The following PDGFD variants were observed in gnomAD, a reference collection of about 807,000 sequenced individuals.
PDGFD encodes platelet-derived growth factor D.
In PDGFD, 30 loss-of-function variants were observed where a neutral mutation model predicts 44.7. The observed-to-expected ratio is 0.67, with a 90% confidence interval of 0.50 to 0.91. The LOEUF is 0.91. Among genes scored for constraint, PDGFD ranks in the 40% least tolerant of loss-of-function variants. PDGFD has a pLI of 0.00. For missense variants in PDGFD, 445 were observed against 457.8 expected, an observed-to-expected ratio of 0.97 and a Z score of 0.25; for synonymous variants, 173 against 168.4, an observed-to-expected ratio of 1.03 and a Z score of -0.21.
At chr11:104,051,741 A>G (rs770448994) in intron 1 of PDGFD, among the ~76,000 whole-genome samples, 1 of 152,144 alleles carries the variant, frequency 6.6e-6, no homozygotes, top group African/African-American at 2.4e-5. Context: ...CAGATATTAT[A>G]AACACTACTG....
intron 1 of PDGFD, among the ~76,000 whole-genome samples, chr11:104,029,157 C>T (rs1038104034): frequency 1.1e-4 from 17 of 152,064 alleles, no homozygotes; most frequent in Non-Finnish European, 1.8e-4. Context: ...AGAGAGACAA[C>T]CTGCAGAGAC....
intron 3 of PDGFD, among the ~76,000 whole-genome samples, chr11:103,994,593 T>G (rs1482555173): frequency 6.6e-6 from 1 of 152,190 alleles, no homozygotes; most frequent in Non-Finnish European, 1.5e-5. Context: ...AAAGCAAGTT[T>G]TTTTTTCTTT....
chr11:104,007,996 C>G (rs952661789), intron 1 of PDGFD, among the ~76,000 whole-genome samples: 3 of 152,112 alleles, frequency 2.0e-5, no homozygotes, highest in African/African-American at 7.2e-5. Context: ...ACAAAAGCAA[C>G]AGAGAGAAGT....
chr11:103,913,072 G>A (rs1858056539), intron 6 of PDGFD, among the ~76,000 whole-genome samples: 1 of 152,060 alleles, frequency 6.6e-6, no homozygotes. Flanking sequence ...ACACCCCACT[G>A]CCAATATTAG....
rs555932293 is a variant in PDGFD at position 104,099,113 on chromosome 11, G to A, written c.124+64691C>T. 3.3e-5 allele frequency among the ~76,000 whole-genome samples: 5 copies of A among 152,236 alleles called. No individual in the cohort carries two copies. In the South Asian group the frequency reaches 1.0e-3, roughly 32 times the overall value. On this transcript the variant is annotated intron_variant, in intron 1 of 6. Coordinates refer to ENST00000393158, the MANE Select transcript of PDGFD (RefSeq NM_025208.5). ...GTGTTAGTATGTTTATTTCACAGAA[G>A]AGACTGAGAAGGAGCTCAATTAATT...
intron 1 of PDGFD, among the ~76,000 whole-genome samples, chr11:104,029,581 A>T (rs1390895687): frequency 6.6e-6 from 1 of 152,214 alleles, no homozygotes; most frequent in Non-Finnish European, 1.5e-5. Flanking sequence ...TACATTTTTT[A>T]AAATTTCTTT....
intron 1 of PDGFD, among the ~76,000 whole-genome samples, chr11:104,119,681 CGA>C (rs1565341124): frequency 1.5e-5 from 1 of 66,854 alleles, no homozygotes; most frequent in Non-Finnish European, 2.6e-5. Flanking sequence ...ATATATATAT[CGA>C]TATATAATAT....
At chr11:104,063,294 A>G (rs149534814) in intron 1 of PDGFD, among the ~76,000 whole-genome samples, 180 of 151,804 alleles carry the variant, frequency 1.2e-3, no homozygotes, top group Middle Eastern at 6.8e-3. Context: ...ACCTTCTATG[A>G]TGCTGTTTTA....
intron 1 of PDGFD, among the ~76,000 whole-genome samples, chr11:104,065,581 T>C (rs550639697): frequency 3.3e-5 from 5 of 152,312 alleles, no homozygotes; most frequent in Non-Finnish European, 7.4e-5. Context: ...AGAATTGGCT[T>C]TTAAAAAACT....
intron 6 of PDGFD, among the ~76,000 whole-genome samples, chr11:103,924,721 A>C (rs1209744647): frequency 2.6e-5 from 4 of 152,170 alleles, no homozygotes; most frequent in Admixed American, 6.5e-5. Context: ...CCAAAACACC[A>C]CCACCACCAC....
chr11:104,054,842 G>A (rs1395570227), intron 1 of PDGFD, among the ~76,000 whole-genome samples: 1 of 152,190 alleles, frequency 6.6e-6, no homozygotes. Context: ...AATGGTGCCA[G>A]GGTAATCAGC....
At chr11:104,114,145 T>C (rs1360963049) in intron 1 of PDGFD, among the ~76,000 whole-genome samples, 4 of 152,106 alleles carry the variant, frequency 2.6e-5, no homozygotes, top group African/African-American at 9.6e-5. Flanking sequence ...GCCTTTGGTA[T>C]TACATCTAAA....
At chr11:104,009,677 T>C (rs1353150718) in intron 1 of PDGFD, among the ~76,000 whole-genome samples, 1 of 152,100 alleles carries the variant, frequency 6.6e-6, no homozygotes, top group African/African-American at 2.4e-5. Flanking sequence ...CAACAGACCC[T>C]AAAATATGCA....
chr11:104,130,000 G>GAAAAAAAAAAAAAAAAAAAAAA (rs34312271), intron 1 of PDGFD, among the ~76,000 whole-genome samples: 1 of 128,584 alleles, frequency 7.8e-6, no homozygotes, highest in African/African-American at 3.0e-5. Flanking sequence ...CAAGACCTCT[G>GAAAAAAAAAAAAAAAAAAAAAA]AAAAAAAAAA....
intron 1 of PDGFD, among the ~76,000 whole-genome samples, chr11:104,145,482 G>A (rs1425021820): frequency 6.6e-6 from 1 of 152,102 alleles, no homozygotes; most frequent in Non-Finnish European, 1.5e-5. Flanking sequence ...CTGATGAACT[G>A]CAAGTCTTTA....
At chr11:104,004,872 C>CTTTTTTTTTTTT (rs33979812) in intron 1 of PDGFD, among the ~76,000 whole-genome samples, 3 of 71,892 alleles carry the variant, frequency 4.2e-5, no homozygotes, top group African/African-American at 5.6e-5. Flanking sequence ...TTATTACCAC[C>CTTTTTTTTTTTT]TTTTTTTTTT....
rs375838831 is a variant in PDGFD at position 104,046,011 on chromosome 11, T to C, written c.125-45756A>G. ...AGAGGAAGATATTACCAGATTGTTA[T>C]GTTGCCATGGAAGCAGAAGCCTGAG... On this transcript the variant is annotated intron_variant, in intron 1 of 6. Transcript: ENST00000393158. Among the ~76,000 whole-genome samples the C allele has an allele frequency of 3.4e-4, 50 of 147,132 alleles. 6 individuals are homozygous for C. The South Asian group carries it at 3.7e-3, about 11-fold the overall frequency.
chr11:104,162,067 A>G (rs1327979261), intron 1 of PDGFD, among the ~76,000 whole-genome samples: 2 of 152,088 alleles, frequency 1.3e-5, no homozygotes, highest in East Asian at 1.9e-4. Flanking sequence ...CATGAAACAT[A>G]GCATTTCCCA....
At chr11:104,096,654 A>G (rs545190639) in intron 1 of PDGFD, among the ~76,000 whole-genome samples, 3 of 152,276 alleles carry the variant, frequency 2.0e-5, no homozygotes, top group Admixed American at 6.5e-5. Flanking sequence ...GTCTTATTAC[A>G]TAGGGGTTTC....
Sources: gnomAD v4.1 joint callset for allele counts (sites outside exome capture counted in the v4.1 genomes callset) on GRCh38, gnomAD v4.1.1 for gene constraint, MANE v1.5 for transcripts, NCBI Gene and HGNC (gene_info 2026-07-23, HGNC 2026-07-21) for gene names.